CLNK: variants seen among roughly 807,000 people sequenced by gnomAD.
CLNK encodes cytokine dependent hematopoietic cell linker.
Under a neutral mutation model 68.6 loss-of-function variants are expected in CLNK, and 74 were observed. The observed-to-expected ratio is 1.08, with a 90% CI of 0.89 to 1.31. The LOEUF is 1.31. Ranked by LOEUF, CLNK falls within the 50% of genes most tolerant of loss-of-function variation. CLNK has a pLI of 0.00. For synonymous variants in CLNK, 198 were observed against 172.2 expected (o/e 1.15, Z -1.17); for missense variants, 553 against 515.3 (o/e 1.07, Z -0.71).
intron 5 of CLNK, among the ~76,000 whole-genome samples, chr4:10,569,798 G>C (rs1426277088): frequency 6.6e-6 from 1 of 152,200 alleles, no homozygotes; most frequent in Non-Finnish European, 1.5e-5. Flanking sequence ...CCCTGACTGA[G>C]ATGTTCAATC....
At chr4:10,505,458 C>A (rs1002788997) in intron 17 of CLNK, among the ~76,000 whole-genome samples, 7 of 152,222 alleles carry the variant, frequency 4.6e-5, no homozygotes, top group African/African-American at 1.7e-4. Context: ...GCAATGGTAT[C>A]ATTTCCTACC....
At chr4:10,699,091 A>C in the CLNK span, among the ~76,000 whole-genome samples, 1 of 151,822 alleles carries the variant, frequency 6.6e-6, no homozygotes, top group Non-Finnish European at 1.5e-5. Context: ...ACTACACGTC[A>C]GGTTTCCTGG....
In CLNK at chr4:10,576,761, C is replaced by T. The variant is rs370693343; in HGVS notation, c.113-4983G>A. Among the ~76,000 whole-genome samples the T allele has an allele frequency of 5.9e-5, 9 of 152,220 alleles. No homozygotes were observed. In the East Asian group the frequency reaches 1.5e-3, roughly 26 times the overall value. On this transcript the variant is annotated intron_variant, in intron 4 of 18. Transcript: ENST00000226951. ...ACCAATTGAATCAGTCTGCTTTTTT[C>T]CTCCAGCTCCTCTGGTGACATTTAT...
intron 2 of CLNK, among the ~76,000 whole-genome samples, chr4:10,611,659 A>C (rs942289416): frequency 6.6e-6 from 1 of 152,126 alleles, no homozygotes; most frequent in Non-Finnish European, 1.5e-5. Flanking sequence ...CAGGTCCACA[A>C]AAAAGAAGGG....
At chr4:10,566,210 C>T in intron 5 of CLNK, 60 bp from the exon 6 acceptor site, 1 of 1,569,112 alleles carries the variant, frequency 6.4e-7, no homozygotes, top group South Asian at 1.1e-5. Context: ...CAAAGACAGG[C>T]TACAGTGCTG....
chr4:10,591,367 A>G (rs1366852884), intron 3 of CLNK, among the ~76,000 whole-genome samples: 1 of 152,116 alleles, frequency 6.6e-6, no homozygotes, highest in Admixed American at 6.5e-5. Flanking sequence ...ATGTAATGGA[A>G]CTCACACTGA....
chr4:10,653,385 C>T (rs1723833160), intron 2 of CLNK, among the ~76,000 whole-genome samples: 1 of 117,644 alleles, frequency 8.5e-6, no homozygotes, highest in African/African-American at 2.7e-5. Context: ...AAAATAAACT[C>T]TCAAAAAAAA....
chr4:10,687,204 GA>G (rs57990237), upstream of CLNK, among the ~76,000 whole-genome samples: 247 of 140,292 alleles, frequency 1.8e-3, 3 homozygotes, highest in Admixed American at 7.4e-3. Context: ...ATATAGAGGT[GA>G]AAAAAAAAAA....
Position 10,632,302 on chromosome 4 carries a change from C to T in CLNK, c.12-34253G>A, listed in dbSNP as rs542373700. 7.9e-5 allele frequency among the ~76,000 whole-genome samples: 12 copies of T among 152,332 alleles called. 1 individual carries two copies. In the South Asian group the frequency reaches 2.3e-3, roughly 29 times the overall value. ...GTCTTTCCACCTCTCTCCATCTGAC[C>T]TCTGCCATGTCCACCATCATCTTTT... On this transcript the variant is annotated intron_variant, in intron 2 of 18. Transcript: ENST00000226951.
rs1312623309 is a variant in CLNK, at chr4:10,490,634, T to A, written c.1141-21A>T. Reference sequence around the variant, plus strand: ...AACTTCTGAAACACAGAAAAGAAAGTTAATGACTTTTAAAATATCTTTTGT... The same window carrying A: ...AACTTCTGAAACACAGAAAAGAAAGATAATGACTTTTAAAATATCTTTTGT... On this transcript the variant is annotated intron_variant, in intron 18 of 18. Coordinates refer to ENST00000226951, the MANE Select transcript of CLNK (RefSeq NM_052964.4). 2.6e-6 allele frequency: 4 copies of A among 1,545,014 alleles called. No individual in the cohort carries two copies. The South Asian group carries it at 4.8e-5, about 18-fold the overall frequency.
At chr4:10,709,691 C>A in the CLNK span, among the ~76,000 whole-genome samples, 1 of 152,094 alleles carries the variant, frequency 6.6e-6, no homozygotes. Context: ...GGAAAGGATG[C>A]TATGCCAATT....
the CLNK span, among the ~76,000 whole-genome samples, chr4:10,700,793 G>A: frequency 1.3e-5 from 2 of 151,362 alleles, no homozygotes; most frequent in Non-Finnish European, 2.9e-5. Context: ...AAGAAACATG[G>A]TTTTGTGTAA....
At chr4:10,694,414 G>A in the CLNK span, among the ~76,000 whole-genome samples, 4 of 152,030 alleles carry the variant, frequency 2.6e-5, no homozygotes, top group African/African-American at 9.7e-5. Flanking sequence ...TTTAGTCAAT[G>A]ATGGACTGTA....
rs1342868813 is a variant in CLNK at position 10,558,294 on chromosome 4, A to C, written c.445+113T>G. Reference sequence around the variant, plus strand: ...GTTATTTCCTGAAGTGTAATTCAATAGATCACCTTGTGTAAGATCACCCAT... The same window carrying C: ...GTTATTTCCTGAAGTGTAATTCAATCGATCACCTTGTGTAAGATCACCCAT... On this transcript the variant is annotated intron_variant, in intron 8 of 18. Coordinates refer to ENST00000226951, the MANE Select transcript of CLNK (RefSeq NM_052964.4). 3.7e-6 allele frequency: 3 copies of C among 819,498 alleles called. No homozygotes were observed. The Admixed American group carries it at 6.0e-5, about 16-fold the overall frequency. 50.8% of individuals were successfully genotyped at this position (819,498 alleles called of 1,614,324 possible).
At chr4:10,713,009 T>TA in the CLNK span, among the ~76,000 whole-genome samples, 2 of 152,162 alleles carry the variant, frequency 1.3e-5, no homozygotes, top group Non-Finnish European at 2.9e-5. Flanking sequence ...AAGTTATGCT[T>TA]AAAAAACGTA....
intron 2 of CLNK, among the ~76,000 whole-genome samples, chr4:10,631,925 T>G (rs1468816362): frequency 6.6e-6 from 1 of 152,148 alleles, no homozygotes; most frequent in East Asian, 1.9e-4. Flanking sequence ...GTCTGTCTTT[T>G]TATTTAAACA....
At chr4:10,645,967 G>A (rs1723495380) in intron 2 of CLNK, among the ~76,000 whole-genome samples, 1 of 151,972 alleles carries the variant, frequency 6.6e-6, no homozygotes, top group Admixed American at 6.6e-5. Context: ...TAAGGAAAAA[G>A]GGCAGCTACA....
At chr4:10,720,274 A>G in the CLNK span, among the ~76,000 whole-genome samples, 1 of 152,178 alleles carries the variant, frequency 6.6e-6, no homozygotes, top group African/African-American at 2.4e-5. Flanking sequence ...GTTTAAAAAG[A>G]TCAATAAAAT....
At chr4:10,710,232 C>G in the CLNK span, among the ~76,000 whole-genome samples, 1 of 152,022 alleles carries the variant, frequency 6.6e-6, no homozygotes, top group South Asian at 2.1e-4. Context: ...AGAAACACAG[C>G]CTTTGTATTT....
Sources: allele counts gnomAD v4.1 joint callset (sites outside exome capture counted in the v4.1 genomes callset), GRCh38; gene constraint gnomAD v4.1.1; transcripts MANE v1.5; gene names NCBI Gene and HGNC (gene_info 2026-07-23, HGNC 2026-07-21).